CDT1: variants seen among roughly 807,000 people sequenced by gnomAD.
CDT1 encodes chromatin licensing and DNA replication factor 1.
Under a neutral mutation model 49.3 loss-of-function variants are expected in CDT1, and 66 were observed. That is an observed-to-expected ratio of 1.34 (90% CI 1.10 to 1.64). The LOEUF is 1.64. Ranked by LOEUF, CDT1 falls within the 40% of genes most tolerant of loss-of-function variation. CDT1 has a pLI of 0.00. For missense variants in CDT1, 958 were observed against 807.7 expected, an observed-to-expected ratio of 1.19 and a Z score of -2.26; for synonymous variants, 424 against 347.4, an observed-to-expected ratio of 1.22 and a Z score of -2.45.
At position 88,804,553 on chromosome 16, in the gene CDT1, C is replaced by T; in HGVS notation, c.237C>T (p.Ser79=). The T allele has an allele frequency of 6.2e-7, 1 of 1,612,360 alleles. No homozygotes were observed. Among genetic ancestry groups the T allele is most frequent in the Non-Finnish European group, 8.5e-7 (1 of 1,179,520 alleles). ...GGGGTCCCTCCCACCAGGTTTCCAG[C>T]CCCAGTACCCCCGAGGCCCCAGACA... ...RLRLSVDEVS[S]PSTPEAPDIP... is the part of the protein sequence containing the mutation. Residue 79 remains serine (S), a synonymous_variant, in exon 2 of 10, where the codon AGC becomes AGT. Coordinates refer to ENST00000301019, the MANE Select transcript of CDT1 (RefSeq NM_030928.4).
chr16:88,805,080 A>G (rs565227264), intron 3 of CDT1, among the ~76,000 whole-genome samples, 182 bp downstream of exon 3: 6 of 152,348 alleles, frequency 3.9e-5, no homozygotes, highest in African/African-American at 1.4e-4. Flanking sequence ...CTGTGCCCTC[A>G]GTCCCTCCTG....
In CDT1 at chr16:88,808,986, C is replaced by T. The variant is rs1021104366; in HGVS notation, c.*708C>T. The T allele has an allele frequency of 2.0e-4, 34 of 169,638 alleles. No individual in the cohort carries two copies. Among genetic ancestry groups the T allele is most frequent in the African/African-American group, 3.1e-4 (13 of 41,518 alleles). 10.5% of individuals were successfully genotyped at this position (169,638 alleles called of 1,614,324 possible). ...ACGCACTCCAGCCTGGGTGACAGAG[C>T]GAGACTCCGTCTCAAAAAAAAAAAT... On this transcript the variant is annotated 3_prime_UTR_variant, in exon 10 of 10. Coordinates refer to ENST00000301019, the MANE Select transcript of CDT1 (RefSeq NM_030928.4).
chr16:88,804,161 G>A (rs1908756523), intron 1 of CDT1, 102 bp downstream of exon 1: 9 of 582,672 alleles, frequency 1.5e-5, no homozygotes, highest in Non-Finnish European at 2.0e-5. Context: ...CGGGGGCGGG[G>A]AAACAGGCGG....
intron 9 of CDT1, among the ~76,000 whole-genome samples, 163 bp downstream of exon 9, chr16:88,807,645 C>T (rs1198929158): frequency 6.6e-6 from 1 of 152,222 alleles, no homozygotes; most frequent in African/African-American, 2.4e-5. Flanking sequence ...GCTCTGCCCT[C>T]CTTGGAGCCA....
chr16:88,805,117 T>C (rs1908801039), intron 3 of CDT1, among the ~76,000 whole-genome samples: 1 of 152,230 alleles, frequency 6.6e-6, no homozygotes, highest in African/African-American at 2.4e-5. Flanking sequence ...CCTCGGGGAC[T>C]CTGGCAGGTT....
Position 88,806,003 on chromosome 16 carries a change from C to T in CDT1, c.833-18C>T. 6.3e-7 allele frequency: 1 copy of T among 1,582,780 alleles called. No homozygotes were observed. Among genetic ancestry groups the T allele is most frequent in the Non-Finnish European group, 8.6e-7 (1 of 1,167,932 alleles). On this transcript the variant is annotated intron_variant, in intron 5 of 9. Coordinates refer to ENST00000301019, the MANE Select transcript of CDT1 (RefSeq NM_030928.4). The stretch of plus-strand genomic sequence containing the variant: ...CTGGGTGGCCTGGTGGGGACTTAGG[C>T]CTGGACTCGTCCCACAGAGGCTGAC...
intron 9 of CDT1, among the ~76,000 whole-genome samples, 181 bp downstream of exon 9, chr16:88,807,663 G>C (rs1371762738): frequency 2.6e-5 from 4 of 152,182 alleles, no homozygotes; most frequent in African/African-American, 9.7e-5. Context: ...CCACCCCTGA[G>C]CCTCCGCCCG....
At position 88,804,585 on chromosome 16, in the gene CDT1, C is replaced by A; in HGVS notation, c.269C>A (p.Ala90Asp). ...PSTPEAPDIPACPSPGQKIKK... is the reference protein window; with the variant it reads ...PSTPEAPDIPDCPSPGQKIKK... ...ACCCCCGAGGCCCCAGACATCCCAGCCTGCCCTTCTCCGGGCCAGAAGATA... is the reference window on the plus strand; with the variant it reads ...ACCCCCGAGGCCCCAGACATCCCAGACTGCCCTTCTCCGGGCCAGAAGATA... Residue 90 changes from alanine (A) to aspartate (D), a missense_variant, in exon 2 of 10, where the codon GCC becomes GAC. Coordinates refer to ENST00000301019, the MANE Select transcript of CDT1 (RefSeq NM_030928.4). 6.2e-7 allele frequency: 1 copy of A among 1,613,132 alleles called. No individual in the cohort carries two copies. Among genetic ancestry groups the A allele is most frequent in the Non-Finnish European group, 8.5e-7 (1 of 1,179,942 alleles).
rs767389893 is a variant in CDT1, at chr16:88,807,198, G to C, written c.1270G>C (p.Glu424Gln). The C allele has an allele frequency of 1.2e-6, 2 of 1,612,402 alleles. No individual in the cohort carries two copies. The highest frequency in any genetic ancestry group is 8.5e-7 in the Non-Finnish European group (1 of 1,179,790). ...GAAGGGGGTGTCCCAGGATCTGCTG[G>C]AGCGGGTGAGTCGTCCCCAGTGATG... ...ALKGVSQDLL[E>Q]RIRAKEAQKQ... is the part of the protein sequence containing the mutation. The change falls in exon 8 of 10, where the codon GAG (glutamate) becomes CAG (glutamine). Residue 424 changes from glutamate (E) to glutamine (Q), a missense_variant. By Grantham distance (29) the Glu-to-Gln change is conservative (BLOSUM62 2). Transcript: ENST00000301019.
intron 6 of CDT1, 49 bp downstream of exon 6, chr16:88,806,170 C>T: frequency 2.1e-6 from 3 of 1,427,756 alleles, no homozygotes; most frequent in Admixed American, 1.9e-5. Flanking sequence ...ACCAGCACTG[C>T]CTCAGCACCT....
Position 88,803,909 on chromosome 16 carries a change from C to G in CDT1, c.78C>G (p.Ala26=). 1 of 1,396,690 alleles carries G rather than the reference C, an allele frequency of 7.2e-7. No individual in the cohort carries two copies. The highest frequency in any genetic ancestry group is 9.3e-7 in the Non-Finnish European group (1 of 1,071,448). The allele number at this position is 1,396,690 out of a possible 1,614,324, so 86.5% of individuals were successfully genotyped here. ...CCCGCATCGCGCCGCCCAAGCTGGC[C>G]TGCCGCACCCCCAGCCCCGCCAGGC... ...GPPRIAPPKL[A]CRTPSPARPA... The change falls in exon 1 of 10, where the codon GCC becomes GCG. Residue 26 remains alanine (A), a synonymous_variant. Transcript: ENST00000301019.
intron 7 of CDT1, 102 bp downstream of exon 7, chr16:88,806,776 A>G: frequency 1.4e-6 from 2 of 1,429,564 alleles, no homozygotes; most frequent in Non-Finnish European, 1.9e-6. Context: ...TTGACGCCTC[A>G]TCTGGCTTCC....
At chr16:88,807,988 TC>T in intron 9 of CDT1, 126 bp from the exon 10 acceptor site, 1 of 1,021,956 alleles carries the variant, frequency 9.8e-7, no homozygotes, top group South Asian at 1.4e-5. Context: ...CTGCCCTAAG[TC>T]CTGGTGATGG....
At chr16:88,806,240 G>A in intron 6 of CDT1, 119 bp downstream of exon 6, 1 of 1,110,514 alleles carries the variant, frequency 9.0e-7, no homozygotes, top group Non-Finnish European at 1.3e-6. Context: ...AACTGGGCTG[G>A]GTTCACCCTG....
intron 7 of CDT1, 55 bp downstream of exon 7, chr16:88,806,729 A>G: frequency 1.3e-6 from 2 of 1,544,484 alleles, no homozygotes; most frequent in Non-Finnish European, 1.8e-6. Context: ...GGCCAGCCTG[A>G]CCCCAGGCTT....
At position 88,808,220 on chromosome 16, in the gene CDT1, ACCTCGCCCACATCACTGCACG is replaced by A; in HGVS notation, c.1587_1607del (p.Ile532_His538del). 1 of 1,610,230 alleles carries A rather than the reference ACCTCGCCCACATCACTGCACG, an allele frequency of 6.2e-7. No homozygotes were observed. The highest frequency in any genetic ancestry group is 1.7e-5 in the Admixed American group (1 of 59,628). ...TACGTCAAGCTGGACAAGGCCGCGG[ACCTCGCCCACATCACTGCACG>A]CCTGGCCCACCAGACACGTGCTGAG... On this transcript the variant is annotated inframe_deletion, in exon 10 of 10. Transcript: ENST00000301019.
At position 88,804,721 on chromosome 16, in the gene CDT1, C is replaced by T. The variant is rs571502956; in HGVS notation, c.352-41C>T. 35 of 1,612,606 alleles carry T rather than the reference C, an allele frequency of 2.2e-5. No homozygotes were observed. The East Asian group carries it at 7.1e-4, about 33-fold the overall frequency. Reference sequence around the variant, plus strand: ...GGAGGGCTGAGTGGTGCCGGCCTGCCTGCCTGCCTGACGGCACCGTGTCCC... The same window carrying T: ...GGAGGGCTGAGTGGTGCCGGCCTGCTTGCCTGCCTGACGGCACCGTGTCCC... On this transcript the variant is annotated intron_variant, in intron 2 of 9. Transcript: ENST00000301019.
Position 88,804,783 on chromosome 16 carries a change from T to G in CDT1, c.373T>G (p.Ser125Ala). ...GAAGGACACCATCTCTGAGCTTGCG[T>G]CATGCCTGCAACGGGCCCGGGAGCT... ...QDQDTISELA[S>A]CLQRARELGA... The change falls in exon 3 of 10, where the codon TCA becomes GCA. Residue 125 changes from serine to alanine, a missense_variant. Coordinates refer to ENST00000301019, the MANE Select transcript of CDT1 (RefSeq NM_030928.4). The G allele has an allele frequency of 6.2e-7, 1 of 1,612,816 alleles. No individual in the cohort carries two copies. Among genetic ancestry groups the G allele is most frequent in the Non-Finnish European group, 8.5e-7 (1 of 1,179,868 alleles).
At chr16:88,806,273 G>C (rs765250074) in intron 6 of CDT1, 152 bp downstream of exon 6, 58 of 989,694 alleles carry the variant, frequency 5.9e-5, no homozygotes, top group Non-Finnish European at 6.0e-5. Flanking sequence ...GTGTGCTCAG[G>C]GTGCAGCCGC....
Sources: allele counts gnomAD v4.1 joint callset (sites outside exome capture counted in the v4.1 genomes callset), GRCh38; gene constraint gnomAD v4.1.1; transcripts MANE v1.5; gene names NCBI Gene and HGNC (gene_info 2026-07-23, HGNC 2026-07-21).